GFRA2: variants seen among roughly 807,000 people sequenced by gnomAD.
GFRA2 encodes GDNF family receptor alpha-2.
GFRA2 carries 17 observed loss-of-function variants against 48.3 expected under a neutral mutation model. The ratio of observed to expected loss-of-function variants is 0.35; its 90% CI spans 0.24 to 0.53. GFRA2 has a LOEUF of 0.53. Ranked by LOEUF, GFRA2 falls within the 20% of genes least tolerant of loss-of-function variation. The pLI is 0.93. For missense variants in GFRA2, 660 were observed against 637.3 expected, an observed-to-expected ratio of 1.04 and a Z score of -0.38; for synonymous variants, 305 against 257.2, an observed-to-expected ratio of 1.19 and a Z score of -1.78.
rs1386517949 is a variant in GFRA2, at chr8:21,693,387, A to C, written c.1286T>G (p.Ile429Ser). Residue 429 changes from isoleucine (I) to serine (S), a missense_variant, in exon 9 of 9, where the codon ATC (isoleucine) becomes AGC (serine). Ile to Ser is a moderately radical substitution (Grantham distance 142). Coordinates refer to ENST00000524240, the MANE Select transcript of GFRA2 (RefSeq NM_001495.5). Reference sequence around the variant, plus strand: ...GATCACCTTGTTACTCCCTGGGATGATATTTGTCGTGAGCTGAGTCCGCAG... The same window carrying C: ...GATCACCTTGTTACTCCCTGGGATGCTATTTGTCGTGAGCTGAGTCCGCAG... ...SMCFTELTTN[I>S]IPGSNKVIKP... 2 of 1,611,024 alleles carry C rather than the reference A, an allele frequency of 1.2e-6. No individual in the cohort carries two copies. The highest frequency in any genetic ancestry group is 1.7e-6 in the Non-Finnish European group (2 of 1,178,524).
At position 21,692,319 on chromosome 8, in the gene GFRA2, C is replaced by G. The variant is rs547083406; in HGVS notation, c.*959G>C. 2 of 151,928 alleles carry G rather than the reference C, an allele frequency of 1.3e-5. No homozygotes were observed. Among genetic ancestry groups the G allele is most frequent in the East Asian group, 3.9e-4 (2 of 5,166 alleles). The allele number at this position is 151,928 out of a possible 1,614,324, so 9.4% of individuals were successfully genotyped here. On this transcript the variant is annotated 3_prime_UTR_variant, in exon 9 of 9. Coordinates refer to ENST00000524240, the MANE Select transcript of GFRA2 (RefSeq NM_001495.5). The stretch of plus-strand genomic sequence containing the variant: ...GGAGAGGAGCCCCGGTATGTACATA[C>G]AGTTGACGTACGTCTAGGAAATGAG...
chr8:21,769,236 G>A (rs1806324763), intron 3 of GFRA2: 1 of 938,754 alleles, frequency 1.1e-6, no homozygotes, highest in South Asian at 4.9e-5. Context: ...CCGAAGTCTG[G>A]CCCCAGCCCC....
intron 4 of GFRA2, among the ~76,000 whole-genome samples, chr8:21,730,170 T>C (rs1804113659): frequency 6.6e-6 from 1 of 152,028 alleles, no homozygotes. Context: ...TTTGGGAGGC[T>C]GAGGTGGGTG....
chr8:21,753,479 G>A lies in GFRA2; in HGVS notation c.440-2537C>T, dbSNP rs117806522. 8.9e-4 allele frequency among the ~76,000 whole-genome samples: 135 copies of A among 152,246 alleles called. 2 individuals carry two copies. In the East Asian group the frequency reaches 0.022, roughly 25 times the overall value. On this transcript the variant is annotated intron_variant, in intron 3 of 8. Coordinates refer to ENST00000524240, the MANE Select transcript of GFRA2 (RefSeq NM_001495.5). ...AAAAATTAGCTGGGCGTGGTGACATGTGGTGGACTACACCCAGCTACACGG... is the reference window on the plus strand; with the variant it reads ...AAAAATTAGCTGGGCGTGGTGACATATGGTGGACTACACCCAGCTACACGG...
chr8:21,735,044 C>T (rs1804382521), intron 4 of GFRA2, among the ~76,000 whole-genome samples: 1 of 152,186 alleles, frequency 6.6e-6, no homozygotes, highest in Non-Finnish European at 1.5e-5. Context: ...ACCAATGTTC[C>T]TCTTACATAT....
At position 21,750,968 on chromosome 8, in the gene GFRA2, C is replaced by T. The variant is rs370066569; in HGVS notation, c.440-26G>A. 3.3e-6 allele frequency: 5 copies of T among 1,498,558 alleles called. No individual in the cohort carries two copies. In the African/African-American group the frequency reaches 6.9e-5, roughly 21 times the overall value. 92.8% of individuals were successfully genotyped at this position (1,498,558 alleles called of 1,614,324 possible). Reference sequence around the variant, plus strand: ...CTGGAGGAGGAACAAGAGAGCAGGTCAGAGGCCACACAAGCATGAGGAGGA... The same window carrying T: ...CTGGAGGAGGAACAAGAGAGCAGGTTAGAGGCCACACAAGCATGAGGAGGA... On this transcript the variant is annotated intron_variant, in intron 3 of 8. Transcript: ENST00000524240. This position sits in a 1 kb window ranked among gnomAD's most constrained non-coding sequence, Gnocchi z 5.7.
intron 7 of GFRA2, 124 bp from the exon 8 acceptor site, chr8:21,694,641 G>A (rs555173989): frequency 3.8e-5 from 32 of 833,176 alleles, no homozygotes; most frequent in East Asian, 1.6e-4. Context: ...CAGCGCACAC[G>A]GTGAAGAGGG....
At chr8:21,812,241 T>TGTGCC (rs1362422538) in exon 1 of GFRA2, 1 of 152,308 alleles carries the variant, frequency 6.6e-6, no homozygotes, top group Admixed American at 6.5e-5. Flanking sequence ...CTGGCACCTG[T>TGTGCC]GTGCCGCAAC....
chr8:21,695,663 G>A (rs758106209), intron 7 of GFRA2, among the ~76,000 whole-genome samples: 4 of 152,086 alleles, frequency 2.6e-5, no homozygotes, highest in Admixed American at 6.5e-5. Context: ...GCACGTGCTC[G>A]ACAACTCTTC....
upstream of GFRA2, among the ~76,000 whole-genome samples, chr8:21,791,477 C>G (rs1306557018): frequency 1.3e-5 from 2 of 151,796 alleles, no homozygotes; most frequent in African/African-American, 4.8e-5. Flanking sequence ...CCCACCCCAA[C>G]ACTCAACCCA....
intron 4 of GFRA2, chr8:21,706,521 C>G (rs1442641032): frequency 1.6e-5 from 7 of 440,328 alleles, no homozygotes; most frequent in Non-Finnish European, 3.2e-5. Context: ...TAGGACCTAT[C>G]TGAGGGTCAA....
chr8:21,724,621 G>A (rs1386854276), intron 4 of GFRA2, among the ~76,000 whole-genome samples: 2 of 152,314 alleles, frequency 1.3e-5, no homozygotes, highest in East Asian at 3.9e-4. Context: ...TTGGTGATCT[G>A]CAAGCAAAGG....
intron 4 of GFRA2, among the ~76,000 whole-genome samples, chr8:21,719,724 T>C (rs761861760): frequency 4.6e-5 from 7 of 152,196 alleles, no homozygotes; most frequent in Admixed American, 1.3e-4. Context: ...GCTGATACGG[T>C]TCTTGCTGGT....
intron 3 of GFRA2, among the ~76,000 whole-genome samples, chr8:21,770,414 C>T (rs1806386165): frequency 6.6e-6 from 1 of 152,238 alleles, no homozygotes. Flanking sequence ...CCATTGGCTC[C>T]AGGCTGGGGG....
intron 4 of GFRA2, among the ~76,000 whole-genome samples, chr8:21,748,034 G>A (rs1805097584): frequency 1.3e-5 from 2 of 151,994 alleles, no homozygotes; most frequent in Non-Finnish European, 2.9e-5. Context: ...CTTAAACACT[G>A]AGGATGCCCA....
chr8:21,743,352 G>A (rs1004162353), intron 4 of GFRA2, among the ~76,000 whole-genome samples: 7 of 152,208 alleles, frequency 4.6e-5, no homozygotes, highest in South Asian at 2.1e-4. Flanking sequence ...TTACTTTTCT[G>A]TGACTCATCT....
rs181246402 is a variant in GFRA2 at position 21,696,077 on chromosome 8, C to T, written c.1219-1560G>A. On this transcript the variant is annotated intron_variant, in intron 7 of 8. Transcript: ENST00000524240. ...CCCCTCCCCATCTCCTGTGTCCCCT[C>T]CCCCCTCTCTCCCCTCCCCCTCCTC... Among the ~76,000 whole-genome samples, 257 of 115,142 alleles carry T rather than the reference C, an allele frequency of 2.2e-3. 5 individuals are homozygous for T. The East Asian group carries it at 0.061, about 27-fold the overall frequency. The allele number at this position is 115,142 out of a possible 152,430, so 75.5% of individuals were successfully genotyped here. A position where few individuals can be genotyped will look rare whatever the true frequency, so the allele number is the denominator to read the frequency against.
intron 2 of GFRA2, among the ~76,000 whole-genome samples, chr8:21,802,941 G>A (rs1807797637): frequency 6.6e-6 from 1 of 152,192 alleles, no homozygotes; most frequent in South Asian, 2.1e-4. Flanking sequence ...ATAATAGGCT[G>A]TGGGGATTTG....
chr8:21,701,116 C>T (rs374833679), intron 7 of GFRA2, among the ~76,000 whole-genome samples: 19 of 152,334 alleles, frequency 1.2e-4, no homozygotes, highest in Non-Finnish European at 2.1e-4. Context: ...AACATTGTGC[C>T]GGGCGCGGGG....
Sources: gnomAD v4.1 joint callset for allele counts (sites outside exome capture counted in the v4.1 genomes callset) on GRCh38, gnomAD v4.1.1 for gene constraint, Gnocchi (gnomAD v3.1) non-coding constraint, MANE v1.5 for transcripts, NCBI Gene and HGNC (gene_info 2026-07-23, HGNC 2026-07-21) for gene names.